The following PCMTD1 variants were observed in gnomAD, a reference collection of about 807,000 sequenced individuals.
PCMTD1 encodes protein-L-isoaspartate O-methyltransferase domain-containing protein 1.
A neutral mutation model predicts 37.6 loss-of-function variants in PCMTD1; 12 were observed. The observed-to-expected ratio is 0.32, with a 90% CI of 0.20 to 0.52. The LOEUF is 0.52. PCMTD1 is among the 20% of genes least tolerant of loss of function. The pLI, the probability that PCMTD1 is intolerant of heterozygous loss-of-function variation, is 0.97. For missense variants in PCMTD1, 235 were observed against 421.3 expected (o/e 0.56, Z 3.87); for synonymous variants, 117 against 135.8 (o/e 0.86, Z 0.96).
intron 1 of PCMTD1, among the ~76,000 whole-genome samples, chr8:51,861,633 G>A (rs1430008679): frequency 6.6e-6 from 1 of 152,148 alleles, no homozygotes; most frequent in Non-Finnish European, 1.5e-5. Flanking sequence ...CTTGTAGCTA[G>A]TGGCTACCAT....
rs577264132 is a variant in PCMTD1 at position 51,876,787 on chromosome 8, T to C, written c.-95-15541A>G. Among the ~76,000 whole-genome samples the C allele has an allele frequency of 7.6e-4, 115 of 152,284 alleles. 1 individual carries two copies. The highest frequency in any genetic ancestry group is 2.7e-3 in the African/African-American group (113 of 41,558). On this transcript the variant is annotated intron_variant, in intron 1 of 5. Coordinates refer to ENST00000522514, the MANE Select transcript of PCMTD1 (RefSeq NM_052937.4). ...AATAAAATGAGAATCAAAGAGTCCA[T>C]ACCTAAATGATGAATGAACAAATAA...
chr8:51,852,781 T>G (rs2038326770), intron 2 of PCMTD1, among the ~76,000 whole-genome samples: 1 of 152,236 alleles, frequency 6.6e-6, no homozygotes, highest in Non-Finnish European at 1.5e-5. Context: ...GTACTCAAGT[T>G]TCTGCATTAT....
intron 5 of PCMTD1, among the ~76,000 whole-genome samples, chr8:51,823,404 G>A (rs1177548518): frequency 6.6e-6 from 1 of 152,160 alleles, no homozygotes; most frequent in Non-Finnish European, 1.5e-5. Context: ...GGTCGAGGCT[G>A]CACTGAGCCA....
chr8:51,878,255 T>C (rs947567376), intron 1 of PCMTD1, among the ~76,000 whole-genome samples: 1 of 149,668 alleles, frequency 6.7e-6, no homozygotes, highest in African/African-American at 2.4e-5. Flanking sequence ...TTTTGGTTTT[T>C]TTTTTTTTTT....
intron 1 of PCMTD1, among the ~76,000 whole-genome samples, chr8:51,889,864 ACGTG>A (rs1446095970): frequency 1.6e-5 from 1 of 61,228 alleles, no homozygotes; most frequent in African/African-American, 3.1e-5. Context: ...GTAAGGATAT[ACGTG>A]TGTGTGTGTG....
chr8:51,826,017 T>C (rs1012106730), intron 5 of PCMTD1, among the ~76,000 whole-genome samples: 1 of 152,184 alleles, frequency 6.6e-6, no homozygotes, highest in Non-Finnish European at 1.5e-5. Context: ...TTACTGGGTA[T>C]ATACCCAAAG....
At chr8:51,892,322 C>T (rs1585863270) in intron 1 of PCMTD1, among the ~76,000 whole-genome samples, 1 of 152,230 alleles carries the variant, frequency 6.6e-6, no homozygotes, top group Non-Finnish European at 1.5e-5. Flanking sequence ...ACTGCTAACA[C>T]ATGCAGGGCT....
intron 1 of PCMTD1, among the ~76,000 whole-genome samples, chr8:51,888,944 GCT>G (rs1239609641): frequency 6.6e-6 from 1 of 152,020 alleles, no homozygotes; most frequent in East Asian, 1.9e-4. Flanking sequence ...GAACTGCTTT[GCT>G]CTCTCACTGC....
At chr8:51,879,229 G>GAA (rs112129715) in intron 1 of PCMTD1, among the ~76,000 whole-genome samples, 11 of 146,852 alleles carry the variant, frequency 7.5e-5, no homozygotes, top group African/African-American at 2.8e-4. Flanking sequence ...CACTTGAGGG[G>GAA]AAAAAAAAAA....
At chr8:51,851,508 C>A (rs926145703) in intron 2 of PCMTD1, among the ~76,000 whole-genome samples, 4 of 152,080 alleles carry the variant, frequency 2.6e-5, no homozygotes, top group African/African-American at 4.8e-5. Flanking sequence ...TCAAGAACAA[C>A]CTATGACTAT....
intron 1 of PCMTD1, among the ~76,000 whole-genome samples, chr8:51,861,902 C>T (rs1276099678): frequency 6.6e-6 from 1 of 151,800 alleles, no homozygotes; most frequent in African/African-American, 2.4e-5. Flanking sequence ...TTTGTAGAGA[C>T]AGGGTTTCAC....
In PCMTD1 at chr8:51,851,795, C is replaced by A. The variant is rs551464137; in HGVS notation, c.308-6032G>T. Among the ~76,000 whole-genome samples, 5 of 152,104 alleles carry A rather than the reference C, an allele frequency of 3.3e-5. No individual in the cohort carries two copies. The East Asian group carries it at 9.7e-4, about 30-fold the overall frequency. ...CTCAGCCTCCCAAGTAGCTTACAGG[C>A]ATGAGCCACCACGCCCGGCTAATCT... On this transcript the variant is annotated intron_variant, in intron 2 of 5. Coordinates refer to ENST00000522514, the MANE Select transcript of PCMTD1 (RefSeq NM_052937.4).
chr8:51,879,435 A>G (rs2038760858), intron 1 of PCMTD1, among the ~76,000 whole-genome samples: 1 of 152,222 alleles, frequency 6.6e-6, no homozygotes, highest in Non-Finnish European at 1.5e-5. Flanking sequence ...AAGTCAGTAT[A>G]TTCGTGTTCA....
intron 3 of PCMTD1, among the ~76,000 whole-genome samples, chr8:51,839,130 T>C (rs753679691): frequency 3.9e-5 from 6 of 151,902 alleles, no homozygotes; most frequent in Non-Finnish European, 7.4e-5. Context: ...ATTTCCAAGA[T>C]AGAGATGACC....
intron 5 of PCMTD1, among the ~76,000 whole-genome samples, chr8:51,828,107 A>G (rs1440692586): frequency 6.6e-6 from 1 of 152,230 alleles, no homozygotes; most frequent in African/African-American, 2.4e-5. Flanking sequence ...CTGAGATTTT[A>G]ACAGTGTCAG....
At chr8:51,830,724 T>A (rs1201771335) in intron 5 of PCMTD1, among the ~76,000 whole-genome samples, 1 of 152,204 alleles carries the variant, frequency 6.6e-6, no homozygotes, top group Non-Finnish European at 1.5e-5. Flanking sequence ...GCCTTTTGTA[T>A]TTATTGTCTC....
intron 3 of PCMTD1, among the ~76,000 whole-genome samples, chr8:51,838,948 T>C (rs561625595): frequency 1.3e-5 from 2 of 152,272 alleles, no homozygotes; most frequent in Middle Eastern, 3.4e-3. Context: ...GCAAAAAGTC[T>C]ACTAAAATGA....
Position 51,875,327 on chromosome 8 carries a change from T to C in PCMTD1, c.-95-14081A>G, listed in dbSNP as rs182904244. ...CACAGAAAAACTTCATGAATTATTTTCAACCTCCAAACACATATTATATAA... is the reference window on the plus strand; with the variant it reads ...CACAGAAAAACTTCATGAATTATTTCCAACCTCCAAACACATATTATATAA... On this transcript the variant is annotated intron_variant, in intron 1 of 5. Coordinates refer to ENST00000522514, the MANE Select transcript of PCMTD1 (RefSeq NM_052937.4). Among the ~76,000 whole-genome samples the C allele has an allele frequency of 5.3e-4, 81 of 152,284 alleles. 1 individual carries two copies. Among genetic ancestry groups the C allele is most frequent in the Admixed American group, 3.5e-3 (53 of 15,304 alleles).
At chr8:51,828,456 A>C (rs914160583) in intron 5 of PCMTD1, among the ~76,000 whole-genome samples, 2 of 152,182 alleles carry the variant, frequency 1.3e-5, no homozygotes, top group Admixed American at 6.5e-5. Flanking sequence ...CCTGACTTAT[A>C]ATGGTTCAAT....
Sources: gnomAD v4.1 joint callset for allele counts (sites outside exome capture counted in the v4.1 genomes callset) on GRCh38, gnomAD v4.1.1 for gene constraint, MANE v1.5 for transcripts, NCBI Gene and HGNC (gene_info 2026-07-23, HGNC 2026-07-21) for gene names.